Variants in PPP1R15B observed in about 807,000 individuals in gnomAD.
The protein encoded by PPP1R15B is protein phosphatase 1, regulatory (inhibitor) subunit 15B.
A neutral mutation model predicts 53.9 loss-of-function variants in PPP1R15B; 31 were observed. The observed-to-expected ratio is 0.58, with a 90% CI of 0.43 to 0.78. The LOEUF is 0.78. Among genes scored for constraint, PPP1R15B ranks in the 30% least tolerant of loss-of-function variants. The pLI is 0.00. For missense variants in PPP1R15B, 928 were observed against 849.6 expected, an observed-to-expected ratio of 1.09 and a Z score of -1.15; for synonymous variants, 345 against 329.1, an observed-to-expected ratio of 1.05 and a Z score of -0.52.
At chr1:204,398,826 C>T (rs924427377), downstream of PPP1R15B, among the ~76,000 whole-genome samples, 1 of 152,154 alleles carries the variant, frequency 6.6e-6, no homozygotes, top group African/African-American at 2.4e-5. Context: ...CTCTGGTACT[C>T]CAATGCAGCC....
In PPP1R15B at chr1:204,410,359, T is replaced by A; in HGVS notation, c.1053A>T (p.Gly351=). The A allele has an allele frequency of 6.2e-7, 1 of 1,614,184 alleles. No homozygotes were observed. Among genetic ancestry groups the A allele is most frequent in the Middle Eastern group, 1.6e-4 (1 of 6,062 alleles). Residue 351 remains glycine (G), a synonymous_variant, in exon 1 of 2, where the codon GGA becomes GGT. Coordinates refer to ENST00000367188, the MANE Select transcript of PPP1R15B (RefSeq NM_032833.5). ...ATTCCTGGGTGTTTCCAGGAATGTC[T>A]CCAGCAGCAGGAACAAACTGTGTTG... The part of the protein sequence containing the change: ...DNPTQFVPAA[G]DIPGNTQEST...
In PPP1R15B at chr1:204,409,910, C is replaced by G. The variant is rs773906927; in HGVS notation, c.1502G>C (p.Arg501Thr). 2 of 1,614,112 alleles carry G rather than the reference C, an allele frequency of 1.2e-6. No homozygotes were observed. The highest frequency in any genetic ancestry group is 1.7e-6 in the Non-Finnish European group (2 of 1,180,016). Residue 501 changes from arginine to threonine, a missense_variant, in exon 1 of 2, where the codon AGA (arginine) becomes ACA (threonine). Arg to Thr is a moderately conservative substitution (Grantham distance 71, BLOSUM62 -1). Transcript: ENST00000367188. ...NFTATIQTAARIVPEEPSDSE... is the reference protein window; with the variant it reads ...NFTATIQTAATIVPEEPSDSE... ...ATCAGAAGGCTCTTCAGGAACAATT[C>G]TGGCAGCAGTCTGAATTGTTGCTGT...
downstream of PPP1R15B, among the ~76,000 whole-genome samples, chr1:204,400,424 C>T (rs1386487858): frequency 1.3e-5 from 2 of 151,758 alleles, no homozygotes; most frequent in African/African-American, 4.8e-5. Context: ...CAGCTCCCAA[C>T]TCAGCCTCCC....
rs762554882 is a variant in PPP1R15B, at chr1:204,411,131, G to A, written c.281C>T (p.Thr94Ile). The A allele has an allele frequency of 1.2e-5, 19 of 1,614,102 alleles. No individual in the cohort carries two copies. Among genetic ancestry groups the A allele is most frequent in the Non-Finnish European group, 1.4e-5 (17 of 1,180,050 alleles). The change falls in exon 1 of 2, where the codon ACC becomes ATC. Residue 94 changes from threonine (T) to isoleucine (I), a missense_variant. By Grantham distance (89) the Thr-to-Ile change is moderately conservative. Coordinates refer to ENST00000367188, the MANE Select transcript of PPP1R15B (RefSeq NM_032833.5). ...GACTCCAGCAAAATCTAGCCATCTG[G>A]TCGGAAACATTCCACCGAAAAGTTG... ...WSQLFGGMFP[T>I]RWLDFAGVYS...
chr1:204,401,671 C>A (rs962056921), downstream of PPP1R15B, among the ~76,000 whole-genome samples: 35 of 152,062 alleles, frequency 2.3e-4, no homozygotes, highest in Admixed American at 2.0e-3. Flanking sequence ...TGACAATATG[C>A]CAGAGAACAC....
At chr1:204,397,154 C>G (rs1307640407), downstream of PPP1R15B, among the ~76,000 whole-genome samples, 1 of 151,846 alleles carries the variant, frequency 6.6e-6, no homozygotes, top group Non-Finnish European at 1.5e-5. Flanking sequence ...TGCCACTGCA[C>G]TCCAGCTTGG....
At chr1:204,407,991 C>T (rs1226367280) in intron 1 of PPP1R15B, among the ~76,000 whole-genome samples, 1 of 152,180 alleles carries the variant, frequency 6.6e-6, no homozygotes, top group Admixed American at 6.5e-5. Context: ...TTTTACTCAA[C>T]GAGCAAGCTA....
chr1:204,410,522 C>T lies in PPP1R15B; in HGVS notation c.890G>A (p.Arg297His). 1 of 1,614,110 alleles carries T rather than the reference C, an allele frequency of 6.2e-7. No homozygotes were observed. The highest frequency in any genetic ancestry group is 1.1e-5 in the South Asian group (1 of 91,082). The change falls in exon 1 of 2, where the codon CGC becomes CAC. Residue 297 changes from arginine to histidine, a missense_variant. Coordinates refer to ENST00000367188, the MANE Select transcript of PPP1R15B (RefSeq NM_032833.5). ...TTGAAGGAATTCCAGCCGTTTCATG[C>T]GAAGATGGTGAATTTCTGGTAGGCC... ...TEGLPEIHHL[R>H]MKRLEFLQQA...
Position 204,404,821 on chromosome 1 carries a change from T to C in PPP1R15B, c.*1271A>G. ...GTTAACAACCCCTCAACCTAACTTA[T>C]GTGTACCTTGTAAAGCTAAACAAAT... is the stretch of plus-strand genomic sequence containing the variant. On this transcript the variant is annotated 3_prime_UTR_variant, in exon 2 of 2. Coordinates refer to ENST00000367188, the MANE Select transcript of PPP1R15B (RefSeq NM_032833.5). 1.0e-6 allele frequency: 1 copy of C among 985,876 alleles called. No homozygotes were observed. The highest frequency in any genetic ancestry group is 1.2e-6 in the Non-Finnish European group (1 of 829,940). The allele number at this position is 985,876 out of a possible 1,614,324, so 61.1% of individuals were successfully genotyped here.
chr1:204,399,540 G>C (rs886977081), downstream of PPP1R15B, among the ~76,000 whole-genome samples: 9 of 151,744 alleles, frequency 5.9e-5, no homozygotes, highest in African/African-American at 2.2e-4. Context: ...CTGGGTGATG[G>C]GAGTGGAACC....
At position 204,410,447 on chromosome 1, in the gene PPP1R15B, T is replaced by C. The variant is rs1310102738; in HGVS notation, c.965A>G (p.Tyr322Cys). 2 of 1,614,122 alleles carry C rather than the reference T, an allele frequency of 1.2e-6. No individual in the cohort carries two copies. The change falls in exon 1 of 2, where the codon TAC (tyrosine) becomes TGC (cysteine). Residue 322 changes from tyrosine to cysteine, a missense_variant. By Grantham distance (194) the Tyr-to-Cys change is radical. Transcript: ENST00000367188. ...GCTGTGTTCCTCCTCCAGGCTGTGG[T>C]AGCCATTATCCTGGTCAGGGGTGGG... ...DLPTPDQDNGYHSLEEEHSLL... is the reference protein window; with the variant it reads ...DLPTPDQDNGCHSLEEEHSLL...
downstream of PPP1R15B, chr1:204,403,321 T>C: frequency 7.3e-6 from 4 of 551,082 alleles, no homozygotes; most frequent in Non-Finnish European, 9.2e-6. Flanking sequence ...TGCTTAGTAA[T>C]TCCAAAACCA....
chr1:204,398,860 C>T (rs906620434), downstream of PPP1R15B, among the ~76,000 whole-genome samples: 1 of 152,320 alleles, frequency 6.6e-6, no homozygotes, highest in Admixed American at 6.5e-5. Context: ...AAAGGAGGGT[C>T]TCAGTTGATT....
chr1:204,402,139 C>T (rs1172851354), downstream of PPP1R15B, among the ~76,000 whole-genome samples: 3 of 152,052 alleles, frequency 2.0e-5, no homozygotes, highest in South Asian at 2.1e-4. Context: ...AATTATAACC[C>T]GGGGATGTCA....
downstream of PPP1R15B, among the ~76,000 whole-genome samples, chr1:204,403,071 A>AAAT (rs954854705): frequency 1.6e-4 from 25 of 152,024 alleles, no homozygotes; most frequent in Admixed American, 5.2e-4. Context: ...CCGTCTCAAA[A>AAAT]AATAATAATA....
In PPP1R15B at chr1:204,404,324, A is replaced by C. The variant is rs1240070545; in HGVS notation, c.*1768T>G. On this transcript the variant is annotated 3_prime_UTR_variant, in exon 2 of 2. Coordinates refer to ENST00000367188, the MANE Select transcript of PPP1R15B (RefSeq NM_032833.5). ...TAGCGAAACCCCGTCTCTACTAAAAAGACACAAAAAATTAGCCGGGCGTGG... is the reference window on the plus strand; with the variant it reads ...TAGCGAAACCCCGTCTCTACTAAAACGACACAAAAAATTAGCCGGGCGTGG... 1.5e-6 allele frequency: 1 copy of C among 666,078 alleles called. No individual in the cohort carries two copies. Among genetic ancestry groups the C allele is most frequent in the African/African-American group, 2.0e-5 (1 of 50,940 alleles). The allele number at this position is 666,078 out of a possible 1,614,324, so 41.3% of individuals were successfully genotyped here.
chr1:204,410,494 C>G lies in PPP1R15B; in HGVS notation c.918G>C (p.Gln306His), dbSNP rs769703494. ...LRMKRLEFLQ[Q>H]ASKGQDLPTP... ...TGGGTAAATCTTGCCCCTTGCTAGC[C>G]TGTTGAAGGAATTCCAGCCGTTTCA... Residue 306 changes from glutamine (Q) to histidine (H), a missense_variant, in exon 1 of 2, where the codon CAG (glutamine) becomes CAC (histidine). Physicochemically the swap from Gln to His is conservative, Grantham distance 24. Coordinates refer to ENST00000367188, the MANE Select transcript of PPP1R15B (RefSeq NM_032833.5). 6.2e-6 allele frequency: 10 copies of G among 1,614,008 alleles called. No homozygotes were observed. In the South Asian group the frequency reaches 9.9e-5, roughly 16 times the overall value.
Position 204,410,698 on chromosome 1 carries a change from A to T in PPP1R15B, c.714T>A (p.Tyr238Ter). 1 of 1,614,132 alleles carries T rather than the reference A, an allele frequency of 6.2e-7. No homozygotes were observed. Among genetic ancestry groups the T allele is most frequent in the Non-Finnish European group, 8.5e-7 (1 of 1,179,996 alleles). Reference sequence around the variant, plus strand: ...CCTCGCTATTTCCATCACTGTTCTGATAGCTGACTTCTAGCCTAGGAAAGC... The same window carrying T: ...CCTCGCTATTTCCATCACTGTTCTGTTAGCTGACTTCTAGCCTAGGAAAGC... The part of the protein sequence containing the change: ...LDCFPRLEVS[Y>*]QNSDGNSEVV... Residue 238 changes from tyrosine (Y) to a stop codon, truncating the protein, a stop_gained, in exon 1 of 2, where the codon TAT becomes TAA. Transcript: ENST00000367188. LOFTEE classifies it high-confidence loss of function.
Position 204,410,374 on chromosome 1 carries a change from A to G in PPP1R15B, c.1038T>C (p.Phe346=), listed in dbSNP as rs1674345568. The change falls in exon 1 of 2, where the codon TTT becomes TTC. Residue 346 remains phenylalanine, a synonymous_variant. Coordinates refer to ENST00000367188, the MANE Select transcript of PPP1R15B (RefSeq NM_032833.5). ...PKHCRDNPTQ[F]VPAAGDIPGN... is the part of the protein sequence containing the mutation. ...CAGGAATGTCTCCAGCAGCAGGAAC[A>G]AACTGTGTTGGGTTATCTCTGCAGT... 1 of 1,614,082 alleles carries G rather than the reference A, an allele frequency of 6.2e-7. No individual in the cohort carries two copies. Among genetic ancestry groups the G allele is most frequent in the African/African-American group, 1.3e-5 (1 of 74,932 alleles).
Sources: allele counts gnomAD v4.1 joint callset (sites outside exome capture counted in the v4.1 genomes callset), GRCh38; gene constraint gnomAD v4.1.1; transcripts MANE v1.5; gene names NCBI Gene and HGNC (gene_info 2026-07-23, HGNC 2026-07-21).